Variants in CASZ1 observed in about 807,000 individuals in gnomAD.
CASZ1 encodes zinc finger protein castor homolog 1.
CASZ1 carries 28 observed loss-of-function variants against 135.2 expected under a neutral mutation model. The ratio of observed to expected loss-of-function variants is 0.21; its 90% CI spans 0.15 to 0.28. The LOEUF (loss-of-function observed/expected upper bound fraction) is 0.28. Among genes scored for constraint, CASZ1 ranks in the 10% least tolerant of loss-of-function variants. The probability of loss-of-function intolerance (pLI) is 1.00; values close to 1 mark genes in which losing one functional copy is unlikely to be tolerated. For synonymous variants in CASZ1, 1,068 were observed against 1,073.4 expected (o/e 0.99, Z 0.10); for missense variants, 2,161 against 2,453.3 (o/e 0.88, Z 2.52).
chr1:10,718,041 G>A (rs950329873), intron 2 of CASZ1, among the ~76,000 whole-genome samples: 1 of 152,264 alleles, frequency 6.6e-6, no homozygotes, highest in Non-Finnish European at 1.5e-5. Flanking sequence ...CACATCCCTG[G>A]GAGGTGGGTG....
rs189619621 is a variant in CASZ1, at chr1:10,726,903, T to C, written c.-76-21359A>G. 1.6e-3 allele frequency among the ~76,000 whole-genome samples: 248 copies of C among 152,244 alleles called. 2 individuals carry two copies. Among genetic ancestry groups the C allele is most frequent in the African/African-American group, 5.9e-3 (243 of 41,518 alleles). ...ATGGTTCAGGGAATGAATCAGCACCTGCCAAACCCACTGAGGTGTCAGGTA... is the reference window on the plus strand; with the variant it reads ...ATGGTTCAGGGAATGAATCAGCACCCGCCAAACCCACTGAGGTGTCAGGTA... On this transcript the variant is annotated intron_variant, in intron 2 of 20. Coordinates refer to ENST00000377022, the MANE Select transcript of CASZ1 (RefSeq NM_001079843.3). The surrounding 1 kb of genome is among the most constrained non-coding windows in gnomAD (Gnocchi z 5.7).
chr1:10,764,593 T>C (rs1640438915), intron 1 of CASZ1, among the ~76,000 whole-genome samples: 1 of 152,186 alleles, frequency 6.6e-6, no homozygotes, highest in Non-Finnish European at 1.5e-5. Context: ...GATCATACCA[T>C]GTACAGGTGC....
In CASZ1 at chr1:10,656,632, G is replaced by A. The variant is rs1642807052; in HGVS notation, c.1500+14C>T. ...GGTGGCGGAGAGGCGGAGCCCATCT[G>A]GCTGTGGCCGTACCTGGTAGTTACA... On this transcript the variant is annotated intron_variant, in intron 8 of 20. Transcript: ENST00000377022. The A allele has an allele frequency of 1.3e-6, 2 of 1,578,768 alleles. No homozygotes were observed. The highest frequency in any genetic ancestry group is 1.2e-5 in the South Asian group (1 of 86,680).
Position 10,646,281 on chromosome 1 carries a change from G to A in CASZ1, c.3543C>T (p.His1181=), listed in dbSNP as rs369168770. 2.5e-6 allele frequency: 4 copies of A among 1,614,086 alleles called. No individual in the cohort carries two copies. The highest frequency in any genetic ancestry group is 3.4e-6 in the Non-Finnish European group (4 of 1,180,034). ...TGCAGTTCCCAAAGAGACAGTGGAA[G>A]TGGAACTTGTTGGCGTACTTGCAGT... ...ATDCKYANKF[H]FHCLFGNCKY... Residue 1181 remains histidine (H), a synonymous_variant, in exon 17 of 21, where the codon CAC becomes CAT. Transcript: ENST00000377022. This position sits in a 1 kb window ranked among gnomAD's most constrained non-coding sequence, Gnocchi z 6.4.
chr1:10,691,617 C>T (rs1025470696), intron 4 of CASZ1, among the ~76,000 whole-genome samples: 1 of 152,208 alleles, frequency 6.6e-6, no homozygotes, highest in Admixed American at 6.5e-5. Flanking sequence ...CTTCACCAGC[C>T]ACGAGCCCCG....
chr1:10,694,009 C>T lies in CASZ1; in HGVS notation c.-23-97G>A. On this transcript the variant is annotated intron_variant, in intron 3 of 20. Coordinates refer to ENST00000377022, the MANE Select transcript of CASZ1 (RefSeq NM_001079843.3). The surrounding 1 kb of genome is among the most constrained non-coding windows in gnomAD (Gnocchi z 6.6). ...CGCCCGCCCTGCTTGTCCCCCGCCC[C>T]GCAGGAGCGGCCCGTCCCGGGCGGG... is the stretch of plus-strand genomic sequence containing the variant. The T allele has an allele frequency of 2.5e-6, 3 of 1,223,774 alleles. No individual in the cohort carries two copies. The South Asian group carries it at 3.9e-5, about 16-fold the overall frequency. The allele number at this position is 1,223,774 out of a possible 1,614,324, so 75.8% of individuals were successfully genotyped here.
intron 4 of CASZ1, among the ~76,000 whole-genome samples, chr1:10,667,577 TG>T (rs1643274292): frequency 6.6e-6 from 1 of 152,136 alleles, no homozygotes; most frequent in African/African-American, 2.4e-5. Flanking sequence ...TGACGCCGGG[TG>T]TCCTCCAACA....
rs1019572829 is a variant in CASZ1 at position 10,777,757 on chromosome 1, T to C, written c.-233-16900A>G. On this transcript the variant is annotated intron_variant, in intron 1 of 20. Transcript: ENST00000377022. The surrounding 1 kb of genome is among the most constrained non-coding windows in gnomAD (Gnocchi z 4.4). ...CACGTTACAATCACACACAATCCCA[T>C]ACACACCCACTCACATAATCCACAT... Among the ~76,000 whole-genome samples the C allele has an allele frequency of 2.7e-5, 4 of 149,126 alleles. No homozygotes were observed. Among genetic ancestry groups the C allele is most frequent in the Admixed American group, 6.7e-5 (1 of 14,994 alleles).
At chr1:10,760,435 T>C (rs1039216954) in intron 2 of CASZ1, among the ~76,000 whole-genome samples, 15 of 152,176 alleles carry the variant, frequency 9.9e-5, no homozygotes, top group African/African-American at 3.1e-4. Flanking sequence ...ATTTCACGGG[T>C]GGGGAAACCG....
rs1014324861 is a variant in CASZ1, at chr1:10,756,117, C to T, written c.-77+4584G>A. ...GCCCAGGAAGACTGGCTGACACGCC[C>T]CTCGGAGCCAGGCAGAGGCACCAGC... On this transcript the variant is annotated intron_variant, in intron 2 of 20. Transcript: ENST00000377022. The surrounding 1 kb of genome is among the most constrained non-coding windows in gnomAD (Gnocchi z 5.9). Among the ~76,000 whole-genome samples, 12 of 152,240 alleles carry T rather than the reference C, an allele frequency of 7.9e-5. No homozygotes were observed. Among genetic ancestry groups the T allele is most frequent in the Middle Eastern group, 3.4e-3 (1 of 294 alleles).
At chr1:10,656,480 A>C (rs1190868085) in intron 8 of CASZ1, among the ~76,000 whole-genome samples, 166 bp downstream of exon 8, 1 of 152,110 alleles carries the variant, frequency 6.6e-6, no homozygotes, top group African/African-American at 2.4e-5. Flanking sequence ...GAATCGGGGA[A>C]TGTGGGCAGG....
At chr1:10,733,435 G>C (rs1253113221) in intron 2 of CASZ1, among the ~76,000 whole-genome samples, 1 of 152,180 alleles carries the variant, frequency 6.6e-6, no homozygotes, top group Non-Finnish European at 1.5e-5. Flanking sequence ...AGGGCCACCT[G>C]CACGCCTGTC....
In CASZ1 at chr1:10,660,105, C is replaced by G. The variant is rs778444922; in HGVS notation, c.937G>C (p.Asp313His). 1 of 1,614,164 alleles carries G rather than the reference C, an allele frequency of 6.2e-7. No individual in the cohort carries two copies. The highest frequency in any genetic ancestry group is 1.1e-5 in the South Asian group (1 of 91,082). ...QNLVARASKY[D>H]FFIQKLKTGE... ...GTCTTCAGTTTTTGGATGAAGAAGT[C>G]GTACTTGGAGGCCCGGGCTACCAGG... The change falls in exon 6 of 21, where the codon GAC becomes CAC. Residue 313 changes from aspartate to histidine, a missense_variant. Asp to His is a moderately conservative substitution (Grantham distance 81). This residue lies in a region of CASZ1 where 590 missense variants were observed against 609.8 expected (regional missense o/e 0.97). Coordinates refer to ENST00000377022, the MANE Select transcript of CASZ1 (RefSeq NM_001079843.3).
At chr1:10,738,495 T>C (rs682178) in intron 2 of CASZ1, among the ~76,000 whole-genome samples, 85,063 of 152,206 alleles carry the variant, frequency 0.56, 27,683 homozygotes, top group African/African-American at 0.89. Context: ...GGACACAGGC[T>C]CCTCCTCCAG....
rs1640280029 is a variant in CASZ1 at position 10,757,456 on chromosome 1, TC to T, written c.-77+3244del. On this transcript the variant is annotated intron_variant, in intron 2 of 20. Coordinates refer to ENST00000377022, the MANE Select transcript of CASZ1 (RefSeq NM_001079843.3). The surrounding 1 kb of genome is among the most constrained non-coding windows in gnomAD (Gnocchi z 4.6). ...GGCTGCAGCAGCTGCCCCTCTGGCC[TC>T]CCAATTTCTTCCCTTGGCAGCCCCA... is the stretch of plus-strand genomic sequence containing the variant. Among the ~76,000 whole-genome samples the T allele has an allele frequency of 6.6e-6, 1 of 152,108 alleles. No homozygotes were observed. Among genetic ancestry groups the T allele is most frequent in the Non-Finnish European group, 1.5e-5 (1 of 68,008 alleles).
rs964123483 is a variant in CASZ1 at position 10,700,915 on chromosome 1, C to A, written c.-24+4577G>T. Among the ~76,000 whole-genome samples the A allele has an allele frequency of 6.6e-6, 1 of 152,140 alleles. No homozygotes were observed. Among genetic ancestry groups the A allele is most frequent in the East Asian group, 1.9e-4 (1 of 5,202 alleles). ...GAATTTTATGGTATATGAATGATAT[C>A]TCAATAAAGCGGTTATTAAAAAGTG... On this transcript the variant is annotated intron_variant, in intron 3 of 20. Coordinates refer to ENST00000377022, the MANE Select transcript of CASZ1 (RefSeq NM_001079843.3). The surrounding 1 kb of genome is among the most constrained non-coding windows in gnomAD (Gnocchi z 4.2).
rs1414050725 is a variant in CASZ1 at position 10,726,256 on chromosome 1, C to G, written c.-76-20712G>C. Among the ~76,000 whole-genome samples, 1 of 152,154 alleles carries G rather than the reference C, an allele frequency of 6.6e-6. No homozygotes were observed. Among genetic ancestry groups the G allele is most frequent in the Admixed American group, 6.5e-5 (1 of 15,288 alleles). On this transcript the variant is annotated intron_variant, in intron 2 of 20. Transcript: ENST00000377022. The surrounding 1 kb of genome is among the most constrained non-coding windows in gnomAD (Gnocchi z 5.7). ...ACAGCAACAGAAACCCTGTAGGAGACACCACTGTTCATGCCCTCATTTACG... is the reference window on the plus strand; with the variant it reads ...ACAGCAACAGAAACCCTGTAGGAGAGACCACTGTTCATGCCCTCATTTACG...
intron 2 of CASZ1, among the ~76,000 whole-genome samples, chr1:10,705,850 A>G (rs553499647): frequency 6.6e-6 from 1 of 152,372 alleles, no homozygotes; most frequent in South Asian, 2.1e-4. Flanking sequence ...TGCCGTGCAC[A>G]CTGCTCCGTG....
chr1:10,667,075 G>A (rs1012470419), intron 4 of CASZ1, among the ~76,000 whole-genome samples: 36 of 152,210 alleles, frequency 2.4e-4, no homozygotes, highest in African/African-American at 8.2e-4. Flanking sequence ...TCACTCTAAT[G>A]ATCACCCCCT....
Sources: gnomAD v4.1 joint callset for allele counts (sites outside exome capture counted in the v4.1 genomes callset) on GRCh38, gnomAD v4.1.1 for gene constraint, gnomAD v4.1.1 regional missense constraint, Gnocchi (gnomAD v3.1) non-coding constraint, MANE v1.5 for transcripts, NCBI Gene and HGNC (gene_info 2026-07-23, HGNC 2026-07-21) for gene names.